WWP1: variants seen among roughly 807,000 people sequenced by gnomAD.
WWP1 encodes the protein NEDD4-like E3 ubiquitin-protein ligase WWP1.
Under a neutral mutation model 130.6 loss-of-function variants are expected in WWP1, and 49 were observed. That is an observed-to-expected ratio of 0.38 (90% CI 0.30 to 0.48). The LOEUF (loss-of-function observed/expected upper bound fraction) is 0.48, where lower values mean the gene tolerates loss of function less well. WWP1 is among the 20% of genes least tolerant of loss of function. The probability of loss-of-function intolerance (pLI) is 0.99; values close to 1 mark genes in which losing one functional copy is unlikely to be tolerated. For missense variants in WWP1, 809 were observed against 1,100.6 expected, an observed-to-expected ratio of 0.74 and a Z score of 3.75; for synonymous variants, 332 against 367.8, an observed-to-expected ratio of 0.90 and a Z score of 1.11.
At chr8:86,464,919 G>A (rs546989791) in intron 24 of WWP1, among the ~76,000 whole-genome samples, 14 of 138,330 alleles carry the variant, frequency 1.0e-4, no homozygotes, top group East Asian at 2.8e-4. Context: ...ACATGCGCGC[G>A]CGTGTGTGTG....
At position 86,398,452 on chromosome 8, in the gene WWP1, A is replaced by G. The variant is rs1397111262; in HGVS notation, c.445A>G (p.Ile149Val). The change falls in exon 6 of 25, where the codon ATA becomes GTA. Residue 149 changes from isoleucine (I) to valine (V), a missense_variant. Physicochemically the swap from Ile to Val is conservative, Grantham distance 29. Coordinates refer to ENST00000517970, the MANE Select transcript of WWP1 (RefSeq NM_007013.4). Reference protein sequence around the residue: ...LDGLVIEQENITNCSSSPTIE... With the variant: ...LDGLVIEQENVTNCSSSPTIE... Reference sequence around the variant, plus strand: ...TGGATTGGTGATTGAGCAAGAAAATATAACAAACTGCAGCTCATCTCCAAC... The same window carrying G: ...TGGATTGGTGATTGAGCAAGAAAATGTAACAAACTGCAGCTCATCTCCAAC... The G allele has an allele frequency of 6.2e-7, 1 of 1,612,796 alleles. No individual in the cohort carries two copies. Among genetic ancestry groups the G allele is most frequent in the African/African-American group, 1.3e-5 (1 of 74,908 alleles).
intron 1 of WWP1, among the ~76,000 whole-genome samples, chr8:86,361,981 T>TATATATACATATATATACACACAC (rs1823634339): frequency 7.8e-5 from 11 of 141,408 alleles, no homozygotes; most frequent in Admixed American, 7.3e-4. Context: ...TGTGTATATA[T>TATATATACATATATATACACACAC]ATATATATAT....
chr8:86,422,155 C>T (rs1358788887), intron 9 of WWP1, among the ~76,000 whole-genome samples: 1 of 152,122 alleles, frequency 6.6e-6, no homozygotes, highest in African/African-American at 2.4e-5. Flanking sequence ...AACCATCACA[C>T]AAGTCAAGAA....
chr8:86,456,973 T>C (rs1811481797), intron 21 of WWP1, among the ~76,000 whole-genome samples: 1 of 151,970 alleles, frequency 6.6e-6, no homozygotes, highest in Admixed American at 6.5e-5. Context: ...ATGAGGATGA[T>C]TGTTTTGATT....
At chr8:86,351,480 A>G (rs1471959109) in intron 1 of WWP1, among the ~76,000 whole-genome samples, 2 of 150,878 alleles carry the variant, frequency 1.3e-5, no homozygotes, top group Admixed American at 6.6e-5. Context: ...CTGGGACTAC[A>G]GTTACGCACT....
At position 86,399,037 on chromosome 8, in the gene WWP1, T is replaced by C. The variant is rs189800835; in HGVS notation, c.539+399T>C. Among the ~76,000 whole-genome samples, 57 of 152,332 alleles carry C rather than the reference T, an allele frequency of 3.7e-4. No individual in the cohort carries two copies. The East Asian group carries it at 6.0e-3, about 16-fold the overall frequency. Reference sequence around the variant, plus strand: ...TGGATTGTCTATTCTGGCCATTTTCTATAAATGGATTCATATAATATGTGA... The same window carrying C: ...TGGATTGTCTATTCTGGCCATTTTCCATAAATGGATTCATATAATATGTGA... On this transcript the variant is annotated intron_variant, in intron 7 of 24. Coordinates refer to ENST00000517970, the MANE Select transcript of WWP1 (RefSeq NM_007013.4).
intron 20 of WWP1, 59 bp downstream of exon 20, chr8:86,448,572 C>T: frequency 6.8e-7 from 1 of 1,475,258 alleles, no homozygotes; most frequent in Non-Finnish European, 9.1e-7. Context: ...TAAATCCTCT[C>T]TCTGTACCCT....
chr8:86,347,639 A>G (rs535253008), intron 1 of WWP1, among the ~76,000 whole-genome samples: 1 of 152,350 alleles, frequency 6.6e-6, no homozygotes, highest in Admixed American at 6.5e-5. Flanking sequence ...ACCACAGAAT[A>G]GTTATTCTCC....
At chr8:86,451,342 G>A (rs1473936049) in intron 20 of WWP1, among the ~76,000 whole-genome samples, 1 of 150,844 alleles carries the variant, frequency 6.6e-6, no homozygotes, top group Admixed American at 6.6e-5. Context: ...ATAAGTTGAT[G>A]GTGAGAATTA....
chr8:86,346,124 G>C (rs909949972), intron 1 of WWP1, among the ~76,000 whole-genome samples: 1 of 152,196 alleles, frequency 6.6e-6, no homozygotes, highest in African/African-American at 2.4e-5. Context: ...TTTCATCAGA[G>C]TATCTACTCT....
intron 5 of WWP1, among the ~76,000 whole-genome samples, chr8:86,396,437 C>T (rs143953971): frequency 2.8e-3 from 428 of 151,678 alleles, no homozygotes; most frequent in African/African-American, 9.8e-3. Flanking sequence ...TTCGTATTTC[C>T]TTTAGTTTTT....
chr8:86,379,067 A>G (rs1824833077), intron 3 of WWP1, among the ~76,000 whole-genome samples: 1 of 152,210 alleles, frequency 6.6e-6, no homozygotes, highest in Non-Finnish European at 1.5e-5. Flanking sequence ...ACACCATCAT[A>G]TACTGACTTT....
chr8:86,451,269 G>A (rs1382085426), intron 20 of WWP1, among the ~76,000 whole-genome samples: 1 of 130,930 alleles, frequency 7.6e-6, no homozygotes, highest in African/African-American at 2.9e-5. Flanking sequence ...ATGAAAGCTT[G>A]CCCGATAGAG....
chr8:86,411,496 A>G (rs372462719), intron 8 of WWP1, 42 bp from the exon 9 acceptor site: 25 of 1,547,442 alleles, frequency 1.6e-5, no homozygotes, highest in Non-Finnish European at 2.1e-5. Context: ...TGATTGCTTT[A>G]TCATTACTTG....
intron 2 of WWP1, among the ~76,000 whole-genome samples, chr8:86,371,513 C>T (rs1463539381): frequency 6.6e-6 from 1 of 152,188 alleles, no homozygotes; most frequent in East Asian, 1.9e-4. Context: ...GCACTATCAA[C>T]ATTCCTAGTT....
At chr8:86,437,154 G>T (rs570156789) in intron 16 of WWP1, among the ~76,000 whole-genome samples, 1 of 152,188 alleles carries the variant, frequency 6.6e-6, no homozygotes, top group Non-Finnish European at 1.5e-5. Context: ...GCATGCTGGT[G>T]AGCTGTGCTC....
Position 86,411,819 on chromosome 8 carries a change from A to G in WWP1, c.1006A>G (p.Met336Val), listed in dbSNP as rs200063533. ...CAAATCAAGACAGCCAGATGGGTGT[A>G]TGGATCCTGTACGGCAGCAGTCTGG... is the stretch of plus-strand genomic sequence containing the variant. ...AAKSRQPDGC[M>V]DPVRQQSGNA... Residue 336 changes from methionine (M) to valine (V), a missense_variant, in exon 9 of 25, where the codon ATG (methionine) becomes GTG (valine). Transcript: ENST00000517970. 4.3e-6 allele frequency: 7 copies of G among 1,614,064 alleles called. No homozygotes were observed. The East Asian group carries it at 1.3e-4, about 31-fold the overall frequency.
At chr8:86,371,386 A>T (rs1190519641) in intron 2 of WWP1, among the ~76,000 whole-genome samples, 1 of 152,220 alleles carries the variant, frequency 6.6e-6, no homozygotes, top group African/African-American at 2.4e-5. Flanking sequence ...AGGGCATACA[A>T]ATGTTTAGCT....
chr8:86,390,288 G>A (rs940061517), intron 5 of WWP1, among the ~76,000 whole-genome samples: 30 of 152,164 alleles, frequency 2.0e-4, no homozygotes, highest in Non-Finnish European at 3.7e-4. Context: ...CTTCCCAGAC[G>A]GGGTGGCGGC....
Sources: gnomAD v4.1 joint callset for allele counts (sites outside exome capture counted in the v4.1 genomes callset) on GRCh38, gnomAD v4.1.1 for gene constraint, MANE v1.5 for transcripts, NCBI Gene and HGNC (gene_info 2026-07-23, HGNC 2026-07-21) for gene names.